GRIN2A: variants seen among roughly 807,000 people sequenced by gnomAD.
The protein encoded by GRIN2A is glutamate receptor ionotropic, NMDA 2A.
A neutral mutation model predicts 113.4 loss-of-function variants in GRIN2A; 22 were observed. The ratio of observed to expected loss-of-function variants is 0.19; its 90% CI spans 0.14 to 0.28. The LOEUF (loss-of-function observed/expected upper bound fraction) is 0.28. Among genes scored for constraint, GRIN2A ranks in the 10% least tolerant of loss-of-function variants. The pLI is 1.00. For missense variants in GRIN2A, 1,502 were observed against 1,887.0 expected (o/e 0.80, Z 3.78); for synonymous variants, 827 against 738.4 (o/e 1.12, Z -1.94).
chr16:10,006,605 C>G (rs562232049), intron 2 of GRIN2A, among the ~76,000 whole-genome samples: 1 of 152,300 alleles, frequency 6.6e-6, no homozygotes, highest in South Asian at 2.1e-4. Context: ...TCCATCACCT[C>G]AAGCATTCAT....
intron 3 of GRIN2A, among the ~76,000 whole-genome samples, chr16:9,932,054 C>T (rs1299140186): frequency 6.6e-6 from 1 of 152,162 alleles, no homozygotes; most frequent in Non-Finnish European, 1.5e-5. Flanking sequence ...ATTGAGTCAC[C>T]CAGATCCTAC....
chr16:10,144,518 T>G (rs925274576), intron 2 of GRIN2A, among the ~76,000 whole-genome samples: 3 of 152,220 alleles, frequency 2.0e-5, no homozygotes, highest in African/African-American at 7.2e-5. Context: ...ATTTAATAAT[T>G]TTCACTACTG....
At chr16:10,050,693 A>G (rs1038746544) in intron 2 of GRIN2A, among the ~76,000 whole-genome samples, 1 of 152,140 alleles carries the variant, frequency 6.6e-6, no homozygotes, top group African/African-American at 2.4e-5. Flanking sequence ...TACACAATAA[A>G]TGGAATGCAC....
chr16:9,785,193 T>C (rs1021797979), intron 11 of GRIN2A, among the ~76,000 whole-genome samples: 13 of 152,096 alleles, frequency 8.5e-5, no homozygotes, highest in Admixed American at 2.6e-4. Context: ...CCAACCTAAA[T>C]GTCCAACAAT....
At chr16:10,057,637 TA>T (rs532428882) in intron 2 of GRIN2A, among the ~76,000 whole-genome samples, 4,655 of 145,124 alleles carry the variant, frequency 0.032, 93 homozygotes, top group South Asian at 0.059. Context: ...CATAAGTAGT[TA>T]AAAAAAAAAA....
intron 2 of GRIN2A, among the ~76,000 whole-genome samples, chr16:10,117,282 T>G (rs2048745206): frequency 6.6e-6 from 1 of 152,160 alleles, no homozygotes; most frequent in Admixed American, 6.5e-5. Flanking sequence ...AAATACCAAG[T>G]CTTTTCCCCC....
At chr16:9,803,386 G>T (rs2041903714) in intron 10 of GRIN2A, among the ~76,000 whole-genome samples, 1 of 151,802 alleles carries the variant, frequency 6.6e-6, no homozygotes, top group South Asian at 2.1e-4. Context: ...CTGCACTCCA[G>T]CCTGGGCAAC....
intron 9 of GRIN2A, among the ~76,000 whole-genome samples, chr16:9,826,903 C>T (rs577266078): frequency 4.2e-4 from 64 of 152,320 alleles, no homozygotes; most frequent in African/African-American, 1.5e-3. Flanking sequence ...CCCGCCCTTG[C>T]CTTTGAACAT....
chr16:10,168,776 G>T (rs1035386562), intron 2 of GRIN2A, among the ~76,000 whole-genome samples: 2 of 152,150 alleles, frequency 1.3e-5, no homozygotes, highest in Non-Finnish European at 2.9e-5. Context: ...GACCAGCCTG[G>T]CCAACATGGT....
At chr16:9,803,701 T>A (rs2041910815) in intron 10 of GRIN2A, among the ~76,000 whole-genome samples, 2 of 152,286 alleles carry the variant, frequency 1.3e-5, no homozygotes, top group South Asian at 4.1e-4. Context: ...CCATCCCCAT[T>A]GTCAGATGGA....
At chr16:9,767,848 C>T (rs1331300661) in intron 12 of GRIN2A, among the ~76,000 whole-genome samples, 2 of 152,084 alleles carry the variant, frequency 1.3e-5, no homozygotes, top group African/African-American at 2.4e-5. Flanking sequence ...TCCACATGCT[C>T]TTTGTGTTTT....
chr16:9,982,252 G>C (rs973512893), intron 2 of GRIN2A, among the ~76,000 whole-genome samples: 1 of 152,216 alleles, frequency 6.6e-6, no homozygotes, highest in Non-Finnish European at 1.5e-5. Flanking sequence ...GTTCAGGCCA[G>C]AGGTAGATGC....
At chr16:10,010,570 G>A (rs2046486793) in intron 2 of GRIN2A, among the ~76,000 whole-genome samples, 1 of 152,188 alleles carries the variant, frequency 6.6e-6, no homozygotes, top group Non-Finnish European at 1.5e-5. Flanking sequence ...TATAGGAACT[G>A]TTTAATATAC....
chr16:10,029,718 T>A (rs531896210), intron 2 of GRIN2A, among the ~76,000 whole-genome samples: 13 of 152,146 alleles, frequency 8.5e-5, no homozygotes, highest in Non-Finnish European at 1.3e-4. Flanking sequence ...AACTCAGACC[T>A]GGCACAATGC....
At chr16:9,847,063 G>C (rs1291367414) in intron 5 of GRIN2A, among the ~76,000 whole-genome samples, 1 of 152,144 alleles carries the variant, frequency 6.6e-6, no homozygotes, top group Non-Finnish European at 1.5e-5. Context: ...GCTGAGCTGA[G>C]AAACTGCCAG....
chr16:9,897,075 G>T (rs2043821136), intron 3 of GRIN2A, among the ~76,000 whole-genome samples: 1 of 152,158 alleles, frequency 6.6e-6, no homozygotes, highest in Non-Finnish European at 1.5e-5. Flanking sequence ...GAAGCATGCT[G>T]GCAAATAGAG....
At chr16:9,786,067 G>T (rs1244820572) in intron 11 of GRIN2A, among the ~76,000 whole-genome samples, 20 of 152,178 alleles carry the variant, frequency 1.3e-4, no homozygotes, top group Admixed American at 1.2e-3. Flanking sequence ...GACTAGCCCA[G>T]CTCATCCCCA....
chr16:9,774,394 C>A (rs955753266), intron 11 of GRIN2A, among the ~76,000 whole-genome samples: 1 of 152,166 alleles, frequency 6.6e-6, no homozygotes, highest in Non-Finnish European at 1.5e-5. Flanking sequence ...TTAATACACT[C>A]AGGTATTAAT....
At chr16:9,973,132 G>A (rs1221857081) in intron 2 of GRIN2A, among the ~76,000 whole-genome samples, 2 of 152,132 alleles carry the variant, frequency 1.3e-5, no homozygotes, top group African/African-American at 4.8e-5. Context: ...CTCAAGTACC[G>A]ATCTTAGGTT....
Sources: gnomAD v4.1 joint callset for allele counts (sites outside exome capture counted in the v4.1 genomes callset) on GRCh38, gnomAD v4.1.1 for gene constraint, MANE v1.5 for transcripts, NCBI Gene and HGNC (gene_info 2026-07-23, HGNC 2026-07-21) for gene names.